DCC: variants seen among roughly 807,000 people sequenced by gnomAD.
The protein encoded by DCC is DCC netrin 1 receptor, also known as netrin receptor DCC.
In DCC, 58 loss-of-function variants were observed where a neutral mutation model predicts 172.5. The ratio of observed to expected loss-of-function variants is 0.34; its 90% CI spans 0.27 to 0.42. DCC has a LOEUF of 0.42. Ranked by LOEUF, DCC falls within the 10% of genes least tolerant of loss-of-function variation. The pLI is 1.00. For synonymous variants in DCC, 709 were observed against 644.5 expected (o/e 1.10, Z -1.52); for missense variants, 1,740 against 1,791.0 (o/e 0.97, Z 0.51).
At chr18:52,685,132 T>C (rs2035809921) in intron 1 of DCC, among the ~76,000 whole-genome samples, 1 of 152,152 alleles carries the variant, frequency 6.6e-6, no homozygotes, top group Non-Finnish European at 1.5e-5. Context: ...ATTGAACATG[T>C]TCATGTCTTC....
At chr18:53,334,425 A>G (rs1460836679) in intron 14 of DCC, among the ~76,000 whole-genome samples, 1 of 152,206 alleles carries the variant, frequency 6.6e-6, no homozygotes, top group Non-Finnish European at 1.5e-5. Context: ...GGAAAAATAG[A>G]CAAAACCTTA....
chr18:52,814,084 C>A (rs528157420), intron 2 of DCC, among the ~76,000 whole-genome samples: 1 of 152,252 alleles, frequency 6.6e-6, no homozygotes, highest in African/African-American at 2.4e-5. Context: ...CTCTGGAGAA[C>A]CCTGACTAAT....
In DCC at chr18:53,097,629, C is replaced by T. The variant is rs2043105604; in HGVS notation, c.1261+31463C>T. 4.6e-5 allele frequency among the ~76,000 whole-genome samples: 7 copies of T among 152,050 alleles called. No individual in the cohort carries two copies. In the South Asian group the frequency reaches 1.5e-3, roughly 32 times the overall value. Reference sequence around the variant, plus strand: ...TGCTGTACTAGTCAGCTAGGGCTTCCATCGAAAATAGCATGGACTGGGTAA... The same window carrying T: ...TGCTGTACTAGTCAGCTAGGGCTTCTATCGAAAATAGCATGGACTGGGTAA... On this transcript the variant is annotated intron_variant, in intron 7 of 28. Coordinates refer to ENST00000442544, the MANE Select transcript of DCC (RefSeq NM_005215.4).
intron 1 of DCC, among the ~76,000 whole-genome samples, chr18:52,694,950 C>T (rs1420475760): frequency 1.3e-5 from 2 of 152,170 alleles, no homozygotes; most frequent in African/African-American, 4.8e-5. Context: ...AAAGGATGCT[C>T]TTTTGTACAC....
intron 1 of DCC, among the ~76,000 whole-genome samples, chr18:52,569,549 G>C (rs2033245224): frequency 6.6e-6 from 1 of 152,180 alleles, no homozygotes; most frequent in African/African-American, 2.4e-5. Flanking sequence ...CTATGTAGAA[G>C]CTTGTGTTGA....
chr18:53,103,207 C>T (rs114898749), intron 7 of DCC, among the ~76,000 whole-genome samples: 305 of 151,958 alleles, frequency 2.0e-3, no homozygotes, highest in African/African-American at 6.7e-3. Flanking sequence ...GATCATAACA[C>T]GAACTACAAA....
chr18:52,851,250 A>G (rs1418573732), intron 2 of DCC, among the ~76,000 whole-genome samples: 1 of 152,120 alleles, frequency 6.6e-6, no homozygotes, highest in Non-Finnish European at 1.5e-5. Flanking sequence ...TATCTCATTC[A>G]TGGATCATTC....
chr18:53,468,048 G>A (rs1353688813), intron 25 of DCC, 38 bp downstream of exon 25: 1 of 965,504 alleles, frequency 1.0e-6, no homozygotes, highest in East Asian at 2.4e-5. Flanking sequence ...GAAATGAAAT[G>A]CTTTCTGTAT....
intron 1 of DCC, among the ~76,000 whole-genome samples, chr18:52,587,394 T>C (rs1053123700): frequency 6.6e-6 from 1 of 152,226 alleles, no homozygotes; most frequent in African/African-American, 2.4e-5. Flanking sequence ...CGGGTCATCC[T>C]ATCCACTTGA....
chr18:53,141,034 T>A (rs1444261347), intron 7 of DCC, among the ~76,000 whole-genome samples: 1 of 152,124 alleles, frequency 6.6e-6, no homozygotes, highest in Non-Finnish European at 1.5e-5. Context: ...TCAGTACACA[T>A]CCCTAAATTT....
chr18:53,228,791 T>A (rs979507944), intron 12 of DCC, among the ~76,000 whole-genome samples: 1 of 152,124 alleles, frequency 6.6e-6, no homozygotes, highest in African/African-American at 2.4e-5. Flanking sequence ...AACATAACAA[T>A]ACCTTAAACC....
At chr18:52,964,314 A>G (rs966576785) in intron 5 of DCC, among the ~76,000 whole-genome samples, 6 of 152,194 alleles carry the variant, frequency 3.9e-5, no homozygotes, top group Non-Finnish European at 5.9e-5. Context: ...ACATTTAATG[A>G]TGTTGAATCT....
At chr18:52,516,438 A>G (rs2031643641) in intron 1 of DCC, among the ~76,000 whole-genome samples, 1 of 152,232 alleles carries the variant, frequency 6.6e-6, no homozygotes, top group Non-Finnish European at 1.5e-5. Flanking sequence ...GGGCCACACC[A>G]AAGTCAATAT....
intron 1 of DCC, among the ~76,000 whole-genome samples, chr18:52,743,418 G>T (rs2036854955): frequency 6.6e-6 from 1 of 152,136 alleles, no homozygotes; most frequent in Admixed American, 6.5e-5. Context: ...GAGACCTGGG[G>T]CATGATAACC....
Position 52,373,801 on chromosome 18 carries a change from C to T in DCC, c.91+32923C>T, listed in dbSNP as rs750961925. ...ACCTTAGTCATTGTTTAGCTTAAAC[C>T]TTATCCTCTCTCTCCCTGGATAGAT... is the stretch of plus-strand genomic sequence containing the variant. On this transcript the variant is annotated intron_variant, in intron 1 of 28. Transcript: ENST00000442544. Among the ~76,000 whole-genome samples, 9 of 152,092 alleles carry T rather than the reference C, an allele frequency of 5.9e-5. No individual in the cohort carries two copies. In the South Asian group the frequency reaches 8.3e-4, roughly 14 times the overall value.
chr18:53,090,454 G>A (rs1310655445), intron 7 of DCC, among the ~76,000 whole-genome samples: 1 of 151,798 alleles, frequency 6.6e-6, no homozygotes, highest in Admixed American at 6.6e-5. Context: ...AGCACTTTGG[G>A]AGGCCGAGGC....
At chr18:52,795,737 A>T (rs750631656) in intron 2 of DCC, among the ~76,000 whole-genome samples, 2 of 152,014 alleles carry the variant, frequency 1.3e-5, no homozygotes. Context: ...TTATTGCTAT[A>T]AACTTCCTTC....
intron 1 of DCC, among the ~76,000 whole-genome samples, chr18:52,539,369 A>G (rs1331515289): frequency 2.0e-5 from 3 of 152,144 alleles, no homozygotes; most frequent in South Asian, 4.1e-4. Context: ...GGAGTCCCCA[A>G]ACCCCCAGGC....
chr18:53,258,773 C>A (rs2056555653), intron 12 of DCC, among the ~76,000 whole-genome samples: 1 of 152,120 alleles, frequency 6.6e-6, no homozygotes, highest in African/African-American at 2.4e-5. Flanking sequence ...TCCTTTTTAA[C>A]TTTCTGTCTC....
Sources: gnomAD v4.1 joint callset for allele counts (sites outside exome capture counted in the v4.1 genomes callset) on GRCh38, gnomAD v4.1.1 for gene constraint, MANE v1.5 for transcripts, NCBI Gene and HGNC (gene_info 2026-07-23, HGNC 2026-07-21) for gene names.